Variants in GFRA1 observed in about 807,000 individuals in gnomAD.
The protein encoded by GFRA1 is GDNF family receptor alpha 1.
In GFRA1, 16 loss-of-function variants were observed where a neutral mutation model predicts 51.6. The observed-to-expected ratio is 0.31, with a 90% CI of 0.21 to 0.47. The LOEUF is 0.47. Ranked by LOEUF, GFRA1 falls within the 20% of genes least tolerant of loss-of-function variation. GFRA1 has a pLI of 1.00. For synonymous variants in GFRA1, 270 were observed against 241.3 expected, an observed-to-expected ratio of 1.12 and a Z score of -1.10; for missense variants, 530 against 594.3, an observed-to-expected ratio of 0.89 and a Z score of 1.13.
At chr10:116,083,314 C>G (rs1041925491) in intron 9 of GFRA1, among the ~76,000 whole-genome samples, 1 of 152,206 alleles carries the variant, frequency 6.6e-6, no homozygotes, top group Non-Finnish European at 1.5e-5. Context: ...TCTTTCCTCG[C>G]TTCTATCTTC....
chr10:116,104,574 G>T (rs1439189619), intron 6 of GFRA1, among the ~76,000 whole-genome samples: 1 of 152,212 alleles, frequency 6.6e-6, no homozygotes, highest in Non-Finnish European at 1.5e-5. Flanking sequence ...GGGTATCTCT[G>T]CAGGTTGAGG....
upstream of GFRA1, chr10:116,273,596 C>G (rs1281772441): frequency 2.0e-5 from 3 of 152,414 alleles, no homozygotes; most frequent in East Asian, 5.8e-4. Flanking sequence ...TACTCGCGCA[C>G]AGGACACGCA....
Position 116,125,070 on chromosome 10 carries a change from G to T in GFRA1, c.770+151C>A, listed in dbSNP as rs1295026371. 72 of 712,968 alleles carry T rather than the reference G, an allele frequency of 1.0e-4. No homozygotes were observed. The Admixed American group carries it at 1.2e-3, about 12-fold the overall frequency. 44.2% of individuals were successfully genotyped at this position (712,968 alleles called of 1,614,324 possible). On this transcript the variant is annotated intron_variant, in intron 6 of 10. Transcript: ENST00000355422. ...TGAAGAACCCCGTGGCAGACACAGAGGTCAGATTTTTGCCAATCCATTCAA... is the reference window on the plus strand; with the variant it reads ...TGAAGAACCCCGTGGCAGACACAGATGTCAGATTTTTGCCAATCCATTCAA...
At chr10:116,160,934 C>T (rs534436225) in intron 5 of GFRA1, among the ~76,000 whole-genome samples, 1 of 152,224 alleles carries the variant, frequency 6.6e-6, no homozygotes, top group African/African-American at 2.4e-5. Context: ...TACTGCTCAA[C>T]TCCTCAAAGG....
At chr10:116,071,964 A>G (rs1201074336) in intron 9 of GFRA1, among the ~76,000 whole-genome samples, 1 of 152,150 alleles carries the variant, frequency 6.6e-6, no homozygotes, top group African/African-American at 2.4e-5. Flanking sequence ...TCCTAAAAAC[A>G]GGAGTGACGT....
chr10:116,152,323 C>A (rs1053107088), intron 5 of GFRA1, among the ~76,000 whole-genome samples: 7 of 152,162 alleles, frequency 4.6e-5, no homozygotes, highest in African/African-American at 1.7e-4. Context: ...TCTTCACAAC[C>A]TTTTAGAAAC....
intron 5 of GFRA1, among the ~76,000 whole-genome samples, chr10:116,189,641 T>A (rs755493659): frequency 6.6e-6 from 1 of 152,222 alleles, no homozygotes; most frequent in Non-Finnish European, 1.5e-5. Flanking sequence ...CATTCATTAT[T>A]ATTGAATGAA....
intron 4 of GFRA1, among the ~76,000 whole-genome samples, chr10:116,230,576 T>C (rs1450935507): frequency 1.3e-5 from 2 of 152,152 alleles, no homozygotes; most frequent in Non-Finnish European, 2.9e-5. Context: ...TTCCAGCTAG[T>C]GTAGGGAAGA....
chr10:116,215,841 A>G (rs1461705941), intron 4 of GFRA1, among the ~76,000 whole-genome samples: 1 of 152,120 alleles, frequency 6.6e-6, no homozygotes, highest in South Asian at 2.1e-4. Flanking sequence ...AATCATTCAC[A>G]TGGACAAAGG....
At chr10:116,166,126 T>A (rs1434627947) in intron 5 of GFRA1, among the ~76,000 whole-genome samples, 1 of 152,236 alleles carries the variant, frequency 6.6e-6, no homozygotes, top group Non-Finnish European at 1.5e-5. Context: ...AAGGACATGA[T>A]CTCAGTCTTG....
Position 116,093,770 on chromosome 10 carries a change from C to G in GFRA1, c.947G>C (p.Ser316Thr). 1 of 1,613,434 alleles carries G rather than the reference C, an allele frequency of 6.2e-7. No individual in the cohort carries two copies. The change falls in exon 8 of 11, where the codon AGC (serine) becomes ACC (threonine). Residue 316 changes from serine (S) to threonine (T), a missense_variant. Transcript: ENST00000355422. ...CTCTTCTAGGTCGTTCCCACTGTTG[C>G]TGCAGTCACACCATGGGGCCACACT... ...SLSVAPWCDC[S>T]NSGNDLEECL...
intron 6 of GFRA1, among the ~76,000 whole-genome samples, chr10:116,099,642 T>C (rs1350058194): frequency 6.6e-6 from 1 of 152,216 alleles, no homozygotes; most frequent in Non-Finnish European, 1.5e-5. Context: ...AATGGTCACA[T>C]GTATTGACAC....
At chr10:116,201,557 T>A (rs1964333519) in intron 5 of GFRA1, among the ~76,000 whole-genome samples, 1 of 152,004 alleles carries the variant, frequency 6.6e-6, no homozygotes, top group Non-Finnish European at 1.5e-5. Context: ...AATTAGACAT[T>A]CAGTTCCCTT....
chr10:116,245,237 G>A lies in GFRA1; in HGVS notation c.418+24266C>T, dbSNP rs545144748. On this transcript the variant is annotated intron_variant, in intron 4 of 10. Coordinates refer to ENST00000355422, the MANE Select transcript of GFRA1 (RefSeq NM_005264.8). ...TCTTAAAATGTGACATTAAGAAAAC[G>A]ACTCAATTTTTAAAATGAGTAAGAG... is the stretch of plus-strand genomic sequence containing the variant. Among the ~76,000 whole-genome samples the A allele has an allele frequency of 6.6e-5, 10 of 152,192 alleles. No homozygotes were observed. The South Asian group carries it at 1.9e-3, about 28-fold the overall frequency.
intron 6 of GFRA1, among the ~76,000 whole-genome samples, chr10:116,116,403 A>C (rs967964687): frequency 1.3e-5 from 2 of 152,252 alleles, no homozygotes; most frequent in African/African-American, 4.8e-5. Flanking sequence ...TGCGACAGCA[A>C]AGAATTCATC....
rs765006193 is a variant in GFRA1, at chr10:116,063,852, CA to C, written c.*545del. 15 of 165,804 alleles carry C rather than the reference CA, an allele frequency of 9.0e-5. No individual in the cohort carries two copies. The highest frequency in any genetic ancestry group is 2.0e-4 in the Non-Finnish European group (15 of 76,220). The allele number at this position is 165,804 out of a possible 1,614,324, so 10.3% of individuals were successfully genotyped here. A position where few individuals can be genotyped will look rare whatever the true frequency, so the allele number is the denominator to read the frequency against. On this transcript the variant is annotated 3_prime_UTR_variant, in exon 11 of 11. Transcript: ENST00000355422. ...CTAGTACATATATAAAGGTGAACATCAGTACCAGCTGTTTCCACAAAGCCCA... is the reference window on the plus strand; with the variant it reads ...CTAGTACATATATAAAGGTGAACATCGTACCAGCTGTTTCCACAAAGCCCA...
At chr10:116,203,268 C>T (rs189710294) in intron 5 of GFRA1, among the ~76,000 whole-genome samples, 110 of 152,282 alleles carry the variant, frequency 7.2e-4, no homozygotes, top group African/African-American at 2.4e-3. Context: ...CAACTACAAT[C>T]GTATGTAATT....
intron 6 of GFRA1, among the ~76,000 whole-genome samples, chr10:116,112,176 T>A (rs1184946907): frequency 6.6e-6 from 1 of 152,200 alleles, no homozygotes; most frequent in Non-Finnish European, 1.5e-5. Context: ...TCCATTCGAT[T>A]TTGCCTTATT....
chr10:116,063,554 AT>A lies in GFRA1; in HGVS notation c.*843del, dbSNP rs1312119923. On this transcript the variant is annotated 3_prime_UTR_variant, in exon 11 of 11. Transcript: ENST00000355422. ...ATAGTTGAAATCATTTAGTAGTAAA[AT>A]TTTTTTCTACATATAACCTCATATG... 3 of 152,102 alleles carry A rather than the reference AT, an allele frequency of 2.0e-5. No homozygotes were observed. Among genetic ancestry groups the A allele is most frequent in the African/African-American group, 4.8e-5 (2 of 41,410 alleles). 9.4% of individuals were successfully genotyped at this position (152,102 alleles called of 1,614,324 possible).
Sources: gnomAD v4.1 joint callset for allele counts (sites outside exome capture counted in the v4.1 genomes callset) on GRCh38, gnomAD v4.1.1 for gene constraint, MANE v1.5 for transcripts, NCBI Gene and HGNC (gene_info 2026-07-23, HGNC 2026-07-21) for gene names.